Variants in GSE1 observed in about 807,000 individuals in gnomAD.
GSE1 encodes genetic suppressor element 1.
Under a neutral mutation model 112.6 loss-of-function variants are expected in GSE1, and 32 were observed. That is an observed-to-expected ratio of 0.28 (90% CI 0.21 to 0.38). The LOEUF (loss-of-function observed/expected upper bound fraction) is 0.38, where lower values mean the gene tolerates loss of function less well. GSE1 is among the 10% of genes least tolerant of loss of function. GSE1 has a pLI of 1.00. For missense variants in GSE1, 2,348 were observed against 1,699.2 expected (o/e 1.38, Z -6.71); for synonymous variants, 1,115 against 735.6 (o/e 1.52, Z -8.35).
intron 2 of GSE1, among the ~76,000 whole-genome samples, chr16:85,445,381 C>T (rs1247631023): frequency 2.6e-5 from 4 of 152,350 alleles, no homozygotes; most frequent in African/African-American, 9.6e-5. Flanking sequence ...GCGGGAGAGG[C>T]TGAGGAAAGG....
intron 1 of GSE1, among the ~76,000 whole-genome samples, chr16:85,620,987 G>A (rs1401910270): frequency 3.0e-5 from 3 of 99,764 alleles, no homozygotes; most frequent in South Asian, 3.6e-4. Flanking sequence ...GTCTCGGCCC[G>A]GGGTCTCTGC....
At chr16:85,309,605 C>G (rs2045776977) in intron 1 of GSE1, among the ~76,000 whole-genome samples, 1 of 152,230 alleles carries the variant, frequency 6.6e-6, no homozygotes, top group Non-Finnish European at 1.5e-5. Flanking sequence ...GGCACGTGGC[C>G]CACCCCCCGG....
Position 85,476,053 on chromosome 16 carries a change from C to G in GSE1, c.2464+118410C>G, listed in dbSNP as rs534451980. On this transcript the variant is annotated intron_variant, in intron 2 of 2. Coordinates refer to the GSE1 transcript ENST00000637419. ...TAAGATGATTCTCCCGCCTCAGCCT[C>G]CCCAGGAGCCGGGACGACAGTTGCG... Among the ~76,000 whole-genome samples the G allele has an allele frequency of 4.6e-5, 7 of 152,308 alleles. 1 individual carries two copies. In the South Asian group the frequency reaches 1.4e-3, roughly 32 times the overall value.
upstream of GSE1, chr16:85,611,348 G>C: frequency 2.9e-6 from 1 of 347,204 alleles, no homozygotes; most frequent in Non-Finnish European, 4.0e-6. Context: ...TGGCCGCCTG[G>C]GGCCGGGTGA....
chr16:85,567,433 G>A (rs191888246), intron 1 of GSE1, among the ~76,000 whole-genome samples: 4 of 152,220 alleles, frequency 2.6e-5, no homozygotes, highest in African/African-American at 7.2e-5. Flanking sequence ...GTCCCGAGTC[G>A]TCTGAAGGCT....
At chr16:85,240,775 C>T (rs1045648612) in intron 1 of GSE1, among the ~76,000 whole-genome samples, 2 of 152,178 alleles carry the variant, frequency 1.3e-5, no homozygotes, top group Admixed American at 1.3e-4. Context: ...CTCAGGACTT[C>T]GTCTCTCTTG....
intron 1 of GSE1, among the ~76,000 whole-genome samples, chr16:85,614,040 C>T (rs1411370751): frequency 1.3e-5 from 2 of 151,510 alleles, no homozygotes; most frequent in African/African-American, 2.4e-5. Context: ...TCGGCCGCTT[C>T]TCTCCTCTCT....
At chr16:85,237,187 G>A (rs1904750287) in intron 1 of GSE1, among the ~76,000 whole-genome samples, 1 of 152,196 alleles carries the variant, frequency 6.6e-6, no homozygotes, top group African/African-American at 2.4e-5. Context: ...AGCAGGCGTG[G>A]TGGCGGTCGC....
At position 85,663,026 on chromosome 16, in the gene GSE1, A is replaced by T. The variant is rs1458783693; in HGVS notation, c.2306A>T (p.Glu769Val). 6.2e-7 allele frequency: 1 copy of T among 1,613,198 alleles called. No homozygotes were observed. Among genetic ancestry groups the T allele is most frequent in the East Asian group, 2.2e-5 (1 of 44,878 alleles). Residue 769 changes from glutamate (E) to valine (V), a missense_variant, in exon 10 of 16, where the codon GAG becomes GTG. Transcript: ENST00000253458. ...LDDSYDESDE[E>V]EVRAHLRCVA... ...GACTCTTACGACGAGAGCGATGAGG[A>T]GGAGGTCAGGGCCCACCTCCGTTGC...
intron 1 of GSE1, among the ~76,000 whole-genome samples, chr16:85,578,472 A>T (rs760344877): frequency 9.2e-5 from 14 of 152,054 alleles, no homozygotes; most frequent in Non-Finnish European, 7.4e-5. Context: ...CGCCCCTCAC[A>T]TGCATGGCCC....
chr16:85,625,863 C>G (rs757863405), intron 1 of GSE1, among the ~76,000 whole-genome samples: 3 of 152,122 alleles, frequency 2.0e-5, no homozygotes, highest in Non-Finnish European at 2.9e-5. Flanking sequence ...CCTGCCGTGG[C>G]TCAGTGAGCG....
At chr16:85,363,341 C>T (rs2047122367) in intron 2 of GSE1, among the ~76,000 whole-genome samples, 1 of 152,208 alleles carries the variant, frequency 6.6e-6, no homozygotes, top group Non-Finnish European at 1.5e-5. Flanking sequence ...TCTATGGGTT[C>T]CTTCTGCCCC....
At chr16:85,442,471 G>T (rs368436485) in intron 2 of GSE1, among the ~76,000 whole-genome samples, 2 of 105,402 alleles carry the variant, frequency 1.9e-5, no homozygotes, top group Admixed American at 9.5e-5. Context: ...AATGAATGAA[G>T]GGATAGAGAG....
At chr16:85,380,782 C>T (rs1226355558) in intron 2 of GSE1, among the ~76,000 whole-genome samples, 6 of 152,210 alleles carry the variant, frequency 3.9e-5, no homozygotes, top group African/African-American at 1.2e-4. Flanking sequence ...AACAGCCCTC[C>T]GCTGCTCCTC....
intron 1 of GSE1, among the ~76,000 whole-genome samples, chr16:85,621,434 T>C (rs1228106571): frequency 1.3e-5 from 2 of 152,252 alleles, no homozygotes; most frequent in African/African-American, 4.8e-5. Context: ...ATCAAGCCGA[T>C]GTCCTGGCGT....
intron 1 of GSE1, among the ~76,000 whole-genome samples, chr16:85,569,596 G>A (rs980394822): frequency 1.3e-5 from 2 of 152,204 alleles, no homozygotes; most frequent in African/African-American, 4.8e-5. Context: ...TCGTCTGTGT[G>A]ATCGTCATCA....
At chr16:85,512,741 C>T (rs1005579202) in intron 2 of GSE1, among the ~76,000 whole-genome samples, 52 of 152,190 alleles carry the variant, frequency 3.4e-4, no homozygotes, top group African/African-American at 1.2e-3. Context: ...ACCCAGGGAA[C>T]GGGAGCGGTG....
At chr16:85,514,236 C>A (rs1313288587) in intron 2 of GSE1, among the ~76,000 whole-genome samples, 1 of 150,730 alleles carries the variant, frequency 6.6e-6, no homozygotes, top group African/African-American at 2.4e-5. Flanking sequence ...CCCGGTTTCT[C>A]TCTTCCCCTC....
At position 85,590,545 on chromosome 16, in the gene GSE1, T is replaced by C. The variant is rs573050056; in HGVS notation, c.37+34182T>C. On this transcript the variant is annotated intron_variant, in intron 1 of 2. Transcript: ENST00000635906. ...TGTGATTGTGTGAGCATGTGTGACA[T>C]TGCGTGTGTGACTGGGCCCGCGTGT... Among the ~76,000 whole-genome samples, 676 of 141,728 alleles carry C rather than the reference T, an allele frequency of 4.8e-3. 3 individuals carry two copies. Among genetic ancestry groups the C allele is most frequent in the Non-Finnish European group, 8.1e-3 (526 of 65,042 alleles). 93.0% of individuals were successfully genotyped at this position (141,728 alleles called of 152,430 possible).
Sources: gnomAD v4.1 joint callset for allele counts (sites outside exome capture counted in the v4.1 genomes callset) on GRCh38, gnomAD v4.1.1 for gene constraint, MANE v1.5 for transcripts, NCBI Gene and HGNC (gene_info 2026-07-23, HGNC 2026-07-21) for gene names.